The following MEX3D variants were observed in gnomAD, a reference collection of about 807,000 sequenced individuals.
MEX3D encodes RNA-binding protein MEX3D.
MEX3D carries 4 observed loss-of-function variants against 6.3 expected under a neutral mutation model. That is an observed-to-expected ratio of 0.64 (90% CI 0.31 to 1.46). The LOEUF (loss-of-function observed/expected upper bound fraction) is 1.46. Ranked by LOEUF, MEX3D falls within the 40% of genes most tolerant of loss-of-function variation. The probability of loss-of-function intolerance (pLI) is 0.07; values close to 1 mark genes in which losing one functional copy is unlikely to be tolerated. For synonymous variants in MEX3D, 626 were observed against 494.1 expected (o/e 1.27, Z -3.54); for missense variants, 1,038 against 994.4 (o/e 1.04, Z -0.59).
rs1914883812 is a variant in MEX3D at position 1,567,748 on chromosome 19, G to T, written c.311C>A (p.Pro104His). The change falls in exon 1 of 2, where the codon CCC (proline) becomes CAC (histidine). Residue 104 changes from proline (P) to histidine (H), a missense_variant. Around this residue, in one of 5 missense-constraint regions of MEX3D, gnomAD observed 265 missense variants for 206.3 expected, o/e 1.28. Coordinates refer to ENST00000402693, the MANE Select transcript of MEX3D (RefSeq NM_203304.4). This position sits in a 1 kb window ranked among gnomAD's most constrained non-coding sequence, Gnocchi z 6.5. ...DGGAAPEPVPPDGPEAGAPPT... is the reference protein window; with the variant it reads ...DGGAAPEPVPHDGPEAGAPPT... Reference sequence around the variant, plus strand: ...GGGCGCGCCGGCCTCAGGTCCGTCGGGGGGCACAGGCTCCGGAGCCGCCCC... The same window carrying T: ...GGGCGCGCCGGCCTCAGGTCCGTCGTGGGGCACAGGCTCCGGAGCCGCCCC... 1.0e-6 allele frequency: 1 copy of T among 971,722 alleles called. No individual in the cohort carries two copies. The allele number at this position is 971,722 out of a possible 1,614,324, so 60.2% of individuals were successfully genotyped here. A position where few individuals can be genotyped will look rare whatever the true frequency, so the allele number is the denominator to read the frequency against.
chr19:1,560,826 G>A (rs764642293), intron 1 of MEX3D, among the ~76,000 whole-genome samples: 1 of 152,128 alleles, frequency 6.6e-6, no homozygotes, highest in Admixed American at 6.6e-5. Context: ...GCTTTGACAC[G>A]TGCTGGCCCC....
intron 1 of MEX3D, among the ~76,000 whole-genome samples, chr19:1,560,768 T>C (rs1914697546): frequency 6.6e-6 from 1 of 152,118 alleles, no homozygotes; most frequent in Non-Finnish European, 1.5e-5. Flanking sequence ...AGAAGGCCTC[T>C]AGGACCTCAA....
chr19:1,567,931 G>A lies in MEX3D; in HGVS notation c.128C>T (p.Ala43Val). The A allele has an allele frequency of 1.0e-6, 1 of 978,582 alleles. No homozygotes were observed. Among genetic ancestry groups the A allele is most frequent in the Non-Finnish European group, 1.2e-6 (1 of 827,224 alleles). The allele number at this position is 978,582 out of a possible 1,614,324, so 60.6% of individuals were successfully genotyped here. A position where few individuals can be genotyped will look rare whatever the true frequency, so the allele number is the denominator to read the frequency against. The change falls in exon 1 of 2, where the codon GCG becomes GTG. Residue 43 changes from alanine (A) to valine (V), a missense_variant. Ala to Val is a moderately conservative substitution (Grantham distance 64). Around this residue, in one of 5 missense-constraint regions of MEX3D, gnomAD observed 265 missense variants for 206.3 expected, o/e 1.28. Transcript: ENST00000402693. This position sits in a 1 kb window ranked among gnomAD's most constrained non-coding sequence, Gnocchi z 6.5. The part of the protein sequence containing the change: ...APPPEGAQEA[A>V]PAPRPPPEPD... ...TTCGGGCGGCGGCCGGGGCGCGGGCGCGGCCTCCTGGGCGCCCTCGGGCGG... is the reference window on the plus strand; with the variant it reads ...TTCGGGCGGCGGCCGGGGCGCGGGCACGGCCTCCTGGGCGCCCTCGGGCGG...
In MEX3D at chr19:1,555,357, C is replaced by A. The variant is rs201107400; in HGVS notation, c.*206G>T. On this transcript the variant is annotated 3_prime_UTR_variant, in exon 2 of 2. Transcript: ENST00000402693. The stretch of plus-strand genomic sequence containing the variant: ...CAATACTGTCGTTGAAGGGCTGAGG[C>A]GCCGCCGGGCTGCGGGGTCTCCGTC... The A allele has an allele frequency of 7.5e-6, 12 of 1,599,446 alleles. No homozygotes were observed. Among genetic ancestry groups the A allele is most frequent in the East Asian group, 2.3e-5 (1 of 43,052 alleles).
chr19:1,555,034 G>GCCCCCCCCCCCCCCCC lies in MEX3D; in HGVS notation c.*528_*529insGGGGGGGGGGGGGGGG, dbSNP rs60802257. 1 of 103,806 alleles carries GCCCCCCCCCCCCCCCC rather than the reference G, an allele frequency of 9.6e-6. No homozygotes were observed. Among genetic ancestry groups the GCCCCCCCCCCCCCCCC allele is most frequent in the Non-Finnish European group, 2.2e-5 (1 of 46,094 alleles). The allele number at this position is 103,806 out of a possible 1,614,324, so 6.4% of individuals were successfully genotyped here. A position where few individuals can be genotyped will look rare whatever the true frequency, so the allele number is the denominator to read the frequency against. On this transcript the variant is annotated 3_prime_UTR_variant, in exon 2 of 2. Coordinates refer to ENST00000402693, the MANE Select transcript of MEX3D (RefSeq NM_203304.4). ...GAACGCCCCTCGCCCCCGCCCCCCT[G>GCCCCCCCCCCCCCCCC]CCCCCTCCGGCCGCGCACGGTTGAT...
At position 1,556,357 on chromosome 19, in the gene MEX3D, C is replaced by T. The variant is rs376140983; in HGVS notation, c.1162G>A (p.Ala388Thr). The stretch of plus-strand genomic sequence containing the variant: ...AGGGCCGTGTCCCCGCGGAGGCCGG[C>T]CGTGGCCGTGGGGGGCCGTCGTCCC... ...NQGRRPPTAT[A>T]GLRGDTALGA... The change falls in exon 2 of 2, where the codon GCC (alanine) becomes ACC (threonine). Residue 388 changes from alanine to threonine, a missense_variant. This residue lies in a region of MEX3D where 581 missense variants were observed against 516.2 expected (regional missense o/e 1.13). Transcript: ENST00000402693. The surrounding 1 kb of genome is among the most constrained non-coding windows in gnomAD (Gnocchi z 7.5). 8.3e-6 allele frequency: 12 copies of T among 1,453,942 alleles called. No individual in the cohort carries two copies. Among genetic ancestry groups the T allele is most frequent in the Non-Finnish European group, 1.1e-5 (12 of 1,113,824 alleles). The allele number at this position is 1,453,942 out of a possible 1,614,324, so 90.1% of individuals were successfully genotyped here.
intron 1 of MEX3D, among the ~76,000 whole-genome samples, chr19:1,563,951 G>A (rs1020863458): frequency 2.6e-5 from 4 of 151,598 alleles, no homozygotes; most frequent in Non-Finnish European, 5.9e-5. Context: ...GGGGCTGCAG[G>A]AGTGTGCCAC....
Position 1,555,034 on chromosome 19 carries a change from G to GCCCCCCCCCCCCCCC in MEX3D, c.*528_*529insGGGGGGGGGGGGGGG, listed in dbSNP as rs60802257. Reference sequence around the variant, plus strand: ...GAACGCCCCTCGCCCCCGCCCCCCTGCCCCCTCCGGCCGCGCACGGTTGAT... The same window carrying GCCCCCCCCCCCCCCC: ...GAACGCCCCTCGCCCCCGCCCCCCTGCCCCCCCCCCCCCCCCCCCCTCCGGCCGCGCACGGTTGAT... On this transcript the variant is annotated 3_prime_UTR_variant, in exon 2 of 2. Transcript: ENST00000402693. 4.8e-5 allele frequency: 5 copies of GCCCCCCCCCCCCCCC among 103,804 alleles called. No homozygotes were observed. Among genetic ancestry groups the GCCCCCCCCCCCCCCC allele is most frequent in the Admixed American group, 2.1e-4 (2 of 9,646 alleles). The allele number at this position is 103,804 out of a possible 1,614,324, so 6.4% of individuals were successfully genotyped here. A position where few individuals can be genotyped will look rare whatever the true frequency, so the allele number is the denominator to read the frequency against.
At chr19:1,564,410 G>A (rs1387466883) in intron 1 of MEX3D, among the ~76,000 whole-genome samples, 2 of 151,940 alleles carry the variant, frequency 1.3e-5, no homozygotes, top group African/African-American at 4.8e-5. Flanking sequence ...GCACGTGCCT[G>A]TAATCCCACA....
chr19:1,559,495 G>C (rs773467322), intron 1 of MEX3D, among the ~76,000 whole-genome samples: 57 of 151,858 alleles, frequency 3.8e-4, no homozygotes, highest in Admixed American at 9.8e-4. Context: ...CAAATTCTTG[G>C]GCTCAAGCAG....
At chr19:1,562,190 G>A (rs760967652) in intron 1 of MEX3D, among the ~76,000 whole-genome samples, 2 of 150,772 alleles carry the variant, frequency 1.3e-5, no homozygotes, top group Non-Finnish European at 2.9e-5. Flanking sequence ...GAACCTGGGA[G>A]ATGGAGGTTG....
At chr19:1,559,549 G>C (rs2145572014) in intron 1 of MEX3D, among the ~76,000 whole-genome samples, 1 of 152,246 alleles carries the variant, frequency 6.6e-6, no homozygotes, top group Non-Finnish European at 1.5e-5. Context: ...GACAGGTGTG[G>C]GCCACTGCGC....
chr19:1,558,623 C>T (rs1299063025), intron 1 of MEX3D, among the ~76,000 whole-genome samples: 2 of 152,226 alleles, frequency 1.3e-5, no homozygotes, highest in Non-Finnish European at 2.9e-5. Context: ...GACACCACCT[C>T]CCGGCCCAAC....
chr19:1,567,131 G>A lies in MEX3D; in HGVS notation c.595+333C>T, dbSNP rs1199240338. ...CGCCCCCCGCCCGGCCGGAGCCCCG[G>A]GCCCTCGAGCCCCTCTCTGGGGTGC... is the stretch of plus-strand genomic sequence containing the variant. On this transcript the variant is annotated intron_variant, in intron 1 of 1. Coordinates refer to ENST00000402693, the MANE Select transcript of MEX3D (RefSeq NM_203304.4). The surrounding 1 kb of genome is among the most constrained non-coding windows in gnomAD (Gnocchi z 6.5). Among the ~76,000 whole-genome samples the A allele has an allele frequency of 2.0e-5, 3 of 152,046 alleles. No homozygotes were observed. Among genetic ancestry groups the A allele is most frequent in the Non-Finnish European group, 4.4e-5 (3 of 67,964 alleles).
chr19:1,557,973 C>T (rs1490851947), intron 1 of MEX3D, among the ~76,000 whole-genome samples: 6 of 134,422 alleles, frequency 4.5e-5, no homozygotes, highest in African/African-American at 1.1e-4. Flanking sequence ...ACCGCCTGAA[C>T]TCAGGAGGTG....
rs139047769 is a variant in MEX3D at position 1,565,650 on chromosome 19, G to A, written c.595+1814C>T. On this transcript the variant is annotated intron_variant, in intron 1 of 1. Transcript: ENST00000402693. ...GCCGTCATCTGCGCAGGGCCACGGC[G>A]GCCTGCAGGACAAGCAATCAGGGCC... Among the ~76,000 whole-genome samples, 1,079 of 152,262 alleles carry A rather than the reference G, an allele frequency of 7.1e-3. 13 individuals are homozygous for A. Among genetic ancestry groups the A allele is most frequent in the African/African-American group, 0.025 (1,029 of 41,540 alleles).
chr19:1,567,653 G>A lies in MEX3D; in HGVS notation c.406C>T (p.Pro136Ser). ...LLDPNASPPP[P>S]PPPRPSPPDV... ...GGGGGCGACGGCCGGGGCGGCGGCG[G>A]CGGCGGGGGACTCGCGTTGGGGTCC... Residue 136 changes from proline (P) to serine (S), a missense_variant, in exon 1 of 2, where the codon CCG becomes TCG. Physicochemically the swap from Pro to Ser is moderately conservative, Grantham distance 74. Coordinates refer to ENST00000402693, the MANE Select transcript of MEX3D (RefSeq NM_203304.4). This position sits in a 1 kb window ranked among gnomAD's most constrained non-coding sequence, Gnocchi z 6.5. The A allele has an allele frequency of 2.5e-6, 3 of 1,220,246 alleles. No homozygotes were observed. Among genetic ancestry groups the A allele is most frequent in the Non-Finnish European group, 2.1e-6 (2 of 972,736 alleles). 75.6% of individuals were successfully genotyped at this position (1,220,246 alleles called of 1,614,324 possible).
rs1347013117 is a variant in MEX3D, at chr19:1,555,924, C to G, written c.1595G>C (p.Arg532Pro). 3 of 1,193,764 alleles carry G rather than the reference C, an allele frequency of 2.5e-6. No homozygotes were observed. In the Admixed American group the frequency reaches 1.4e-4, roughly 56 times the overall value. 73.9% of individuals were successfully genotyped at this position (1,193,764 alleles called of 1,614,324 possible). A position where few individuals can be genotyped will look rare whatever the true frequency, so the allele number is the denominator to read the frequency against. Residue 532 changes from arginine to proline, a missense_variant, in exon 2 of 2, where the codon CGT becomes CCT. Physicochemically the swap from Arg to Pro is moderately radical, Grantham distance 103. Transcript: ENST00000402693. ...GLRLELPLSR[R>P]GAPDPVGALS... The stretch of plus-strand genomic sequence containing the variant: ...CGCGCCCACCGGGTCCGGGGCGCCA[C>G]GGCGAGACAGCGGGAGCTCCAGGCG...
rs150361143 is a variant in MEX3D, at chr19:1,556,732, C to G, written c.787G>C (p.Ala263Pro). The change falls in exon 2 of 2, where the codon GCC (alanine) becomes CCC (proline). Residue 263 changes from alanine (A) to proline (P), a missense_variant. Transcript: ENST00000402693. This position sits in a 1 kb window ranked among gnomAD's most constrained non-coding sequence, Gnocchi z 7.5. ...GGAAGGTTGGGCGGGCCCTGGGCGG[C>G]GCCGGGCAGACCCCCGGCCTTGCTG... ...TRSKAGGLPG[A>P]AQGPPNLPGQ... The G allele has an allele frequency of 1.9e-6, 3 of 1,611,460 alleles. No homozygotes were observed. Among genetic ancestry groups the G allele is most frequent in the Admixed American group, 1.7e-5 (1 of 59,922 alleles).
Sources: allele counts gnomAD v4.1 joint callset (sites outside exome capture counted in the v4.1 genomes callset), GRCh38; gene constraint gnomAD v4.1.1; regional missense constraint gnomAD v4.1.1; non-coding constraint Gnocchi (gnomAD v3.1); transcripts MANE v1.5; gene names NCBI Gene and HGNC (gene_info 2026-07-23, HGNC 2026-07-21).